RHOT1: variants seen among roughly 807,000 people sequenced by gnomAD.
RHOT1 encodes mitochondrial Rho GTPase 1.
In RHOT1, 27 loss-of-function variants were observed where a neutral mutation model predicts 95.3. The observed-to-expected ratio is 0.28, with a 90% CI of 0.21 to 0.39. The LOEUF is 0.39. RHOT1 is among the 10% of genes least tolerant of loss of function. RHOT1 has a pLI of 1.00. For missense variants in RHOT1, 578 were observed against 786.7 expected (o/e 0.73, Z 3.17); for synonymous variants, 227 against 263.5 (o/e 0.86, Z 1.34).
chr17:32,195,391 G>C (rs557934682), intron 11 of RHOT1, among the ~76,000 whole-genome samples: 4 of 152,242 alleles, frequency 2.6e-5, no homozygotes, highest in Non-Finnish European at 4.4e-5. Flanking sequence ...TGCGATTACA[G>C]ACATGAGCCA....
chr17:32,153,082 G>A (rs1302592426), intron 1 of RHOT1, among the ~76,000 whole-genome samples: 3 of 152,214 alleles, frequency 2.0e-5, no homozygotes, highest in African/African-American at 2.4e-5. Context: ...GATTACAGGC[G>A]TGAGCCGCCT....
At chr17:32,223,354 T>C (rs1362728152) in intron 19 of RHOT1, among the ~76,000 whole-genome samples, 3 of 152,094 alleles carry the variant, frequency 2.0e-5, no homozygotes, top group Non-Finnish European at 4.4e-5. Context: ...TTAACTTAGT[T>C]ATAAAATAAC....
rs548675739 is a variant in RHOT1 at position 32,173,423 on chromosome 17, G to A, written c.97-408G>A. Reference sequence around the variant, plus strand: ...AAGTTTAGAATTTTGGAACATTTCAGATTTCAGATTCTGGGCTTAGAAATA... The same window carrying A: ...AAGTTTAGAATTTTGGAACATTTCAAATTTCAGATTCTGGGCTTAGAAATA... On this transcript the variant is annotated intron_variant, in intron 2 of 19. Transcript: ENST00000545287. Among the ~76,000 whole-genome samples the A allele has an allele frequency of 2.6e-5, 4 of 152,272 alleles. No individual in the cohort carries two copies. In the South Asian group the frequency reaches 8.3e-4, roughly 32 times the overall value.
At chr17:32,175,931 G>T in intron 4 of RHOT1, 31 bp from the exon 5 acceptor site, 1 of 1,425,098 alleles carries the variant, frequency 7.0e-7, no homozygotes. Context: ...ATTATTTTTA[G>T]ATACGATTAA....
chr17:32,218,907 A>G (rs1434670246), intron 19 of RHOT1, among the ~76,000 whole-genome samples: 1 of 152,206 alleles, frequency 6.6e-6, no homozygotes, highest in Non-Finnish European at 1.5e-5. Flanking sequence ...CAAATGAGAA[A>G]AAGCTAAATA....
At chr17:32,191,307 C>G (rs1277095926) in intron 8 of RHOT1, among the ~76,000 whole-genome samples, 1 of 152,110 alleles carries the variant, frequency 6.6e-6, no homozygotes, top group Admixed American at 6.6e-5. Context: ...ATAGCATGAT[C>G]AAAGCTGTCA....
At position 32,193,231 on chromosome 17, in the gene RHOT1, G is replaced by T. The variant is rs576292984; in HGVS notation, c.735G>T (p.Gly245=). 1 of 1,609,366 alleles carries T rather than the reference G, an allele frequency of 6.2e-7. No individual in the cohort carries two copies. The highest frequency in any genetic ancestry group is 8.5e-7 in the Non-Finnish European group (1 of 1,176,202). ...TAAGTGATGGTGTGGCTGACAGTGG[G>T]TTGACCCTGAAAGGTGGGTAAATGG... ...KHISDGVADS[G]LTLKGFLFLH... is the part of the protein sequence containing the mutation. Residue 245 remains glycine (G), a synonymous_variant, in exon 10 of 20, where the codon GGG becomes GGT. Transcript: ENST00000545287.
chr17:32,210,714 C>T (rs903509555), intron 18 of RHOT1, among the ~76,000 whole-genome samples: 7 of 151,992 alleles, frequency 4.6e-5, no homozygotes, highest in East Asian at 3.9e-4. Context: ...AGGAGGGAAT[C>T]GTTATTTAAA....
At chr17:32,163,082 T>C (rs1041898236) in intron 1 of RHOT1, among the ~76,000 whole-genome samples, 1 of 152,154 alleles carries the variant, frequency 6.6e-6, no homozygotes, top group African/African-American at 2.4e-5. Context: ...ATTTATGATA[T>C]TCAAAGGCCA....
chr17:32,174,025 T>C, intron 3 of RHOT1, 113 bp downstream of exon 3: 1 of 759,538 alleles, frequency 1.3e-6, no homozygotes, highest in Admixed American at 2.3e-5. Flanking sequence ...TCTGTAGCAG[T>C]AAATGATCCT....
chr17:32,158,945 G>A (rs2033255449), intron 1 of RHOT1, among the ~76,000 whole-genome samples: 2 of 152,192 alleles, frequency 1.3e-5, no homozygotes, highest in Admixed American at 6.5e-5. Flanking sequence ...GGCAGCAGGA[G>A]TGGCTGCTGG....
chr17:32,154,316 C>T (rs1173528065), intron 1 of RHOT1, among the ~76,000 whole-genome samples: 12 of 150,246 alleles, frequency 8.0e-5, no homozygotes, highest in African/African-American at 2.7e-4. Context: ...CGCAGTGGCT[C>T]ACGCCTGTAA....
At chr17:32,197,041 T>C (rs1325420712) in intron 11 of RHOT1, among the ~76,000 whole-genome samples, 1 of 151,524 alleles carries the variant, frequency 6.6e-6, no homozygotes, top group Non-Finnish European at 1.5e-5. Flanking sequence ...GAGAATCGCT[T>C]GAACCTGGAA....
At chr17:32,204,007 T>G (rs1415796588) in intron 16 of RHOT1, 34 bp downstream of exon 16, 1 of 1,413,392 alleles carries the variant, frequency 7.1e-7, no homozygotes. Flanking sequence ...AAATTACTAA[T>G]TATTGGGTAC....
At chr17:32,182,363 A>G (rs2035709342) in intron 6 of RHOT1, among the ~76,000 whole-genome samples, 2 of 152,102 alleles carry the variant, frequency 1.3e-5, no homozygotes, top group Admixed American at 6.6e-5. Context: ...GCTTGTGCCT[A>G]TAGTCCTAGC....
intron 14 of RHOT1, 114 bp downstream of exon 14, chr17:32,201,170 CTA>C: frequency 1.8e-6 from 1 of 566,716 alleles, no homozygotes; most frequent in Non-Finnish European, 3.0e-6. Flanking sequence ...CATCTACACT[CTA>C]TTAGTTTTCC....
At chr17:32,218,663 A>G (rs2038641830) in intron 19 of RHOT1, among the ~76,000 whole-genome samples, 1 of 151,864 alleles carries the variant, frequency 6.6e-6, no homozygotes, top group Admixed American at 6.6e-5. Context: ...AAAAATCATA[A>G]ATTAGCCAGG....
chr17:32,171,630 A>G (rs1393045811), intron 2 of RHOT1, among the ~76,000 whole-genome samples: 1 of 152,220 alleles, frequency 6.6e-6, no homozygotes, highest in East Asian at 1.9e-4. Context: ...TTGCTCATAA[A>G]CCCAAAACAT....
chr17:32,188,010 G>GTT (rs1160526949), intron 8 of RHOT1, among the ~76,000 whole-genome samples: 1 of 152,232 alleles, frequency 6.6e-6, no homozygotes, highest in South Asian at 2.1e-4. Flanking sequence ...ATCTGTGGCT[G>GTT]TTTGTGTGCT....
Sources: allele counts gnomAD v4.1 joint callset (sites outside exome capture counted in the v4.1 genomes callset), GRCh38; gene constraint gnomAD v4.1.1; transcripts MANE v1.5; gene names NCBI Gene and HGNC (gene_info 2026-07-23, HGNC 2026-07-21).